Variants in DCPS observed in about 807,000 individuals in gnomAD.
The protein encoded by DCPS is m7GpppX diphosphatase.
DCPS carries 27 observed loss-of-function variants against 34.7 expected under a neutral mutation model. The ratio of observed to expected loss-of-function variants is 0.78; its 90% confidence interval spans 0.57 to 1.07. DCPS has a LOEUF of 1.07. Ranked by LOEUF, DCPS falls within the 50% of genes least tolerant of loss-of-function variation. DCPS has a pLI of 0.00. For missense variants in DCPS, 464 were observed against 436.9 expected (o/e 1.06, Z -0.55); for synonymous variants, 185 against 185.7 (o/e 1.00, Z 0.03).
chr11:126,308,636 C>A (rs1217434028), intron 2 of DCPS, among the ~76,000 whole-genome samples: 4 of 152,208 alleles, frequency 2.6e-5, no homozygotes, highest in Non-Finnish European at 5.9e-5. Context: ...CGTGGCCAAA[C>A]ACAACTTGGG....
chr11:126,346,772 A>C lies in DCPS; in HGVS notation c.*1159A>C, dbSNP rs1260992509. ...TCCATCCCCTGCCTGAGAACCAGGA[A>C]GCCTCATTCAGAGATTAGCCCCTTT... On this transcript the variant is annotated 3_prime_UTR_variant, in exon 6 of 6. Transcript: ENST00000263579. This position sits in a 1 kb window ranked among gnomAD's most constrained non-coding sequence, Gnocchi z 4.1. Among the ~76,000 whole-genome samples the C allele has an allele frequency of 6.6e-6, 1 of 152,192 alleles. No homozygotes were observed. The highest frequency in any genetic ancestry group is 1.9e-4 in the East Asian group (1 of 5,182).
Position 126,338,313 on chromosome 11 carries a change from G to A in DCPS, c.550G>A (p.Ala184Thr), listed in dbSNP as rs147353126. Residue 184 changes from alanine to threonine, a missense_variant, in exon 4 of 6, where the codon GCT becomes ACT. Coordinates refer to ENST00000263579, the MANE Select transcript of DCPS (RefSeq NM_014026.6). This position sits in a 1 kb window ranked among gnomAD's most constrained non-coding sequence, Gnocchi z 5.4. ...QWVYNILDKK[A>T]EADRIVFENP... The stretch of plus-strand genomic sequence containing the variant: ...GGTGTATAACATTCTCGACAAGAAG[G>A]CTGAAGCGGACCGGATTGTTTTCGA... The A allele has an allele frequency of 3.5e-4, 563 of 1,614,064 alleles. No homozygotes were observed. Among genetic ancestry groups the A allele is most frequent in the Non-Finnish European group, 4.5e-4 (536 of 1,180,036 alleles).
rs1431528391 is a variant in DCPS, at chr11:126,346,385, T to C, written c.*772T>C. The stretch of plus-strand genomic sequence containing the variant: ...GCAAGGGCAAATGATATGGTTGCAG[T>C]TGAATACAAAAGCCCGGAGGCGGCT... On this transcript the variant is annotated 3_prime_UTR_variant, in exon 6 of 6. Coordinates refer to ENST00000263579, the MANE Select transcript of DCPS (RefSeq NM_014026.6). This position sits in a 1 kb window ranked among gnomAD's most constrained non-coding sequence, Gnocchi z 4.1. 1.3e-5 allele frequency among the ~76,000 whole-genome samples: 2 copies of C among 152,266 alleles called. No homozygotes were observed. Among genetic ancestry groups the C allele is most frequent in the South Asian group, 4.1e-4 (2 of 4,820 alleles).
In DCPS at chr11:126,345,184, G is replaced by C. The variant is rs182752869; in HGVS notation, c.748-163G>C. On this transcript the variant is annotated intron_variant, in intron 5 of 5. Transcript: ENST00000263579. The surrounding 1 kb of genome is among the most constrained non-coding windows in gnomAD (Gnocchi z 7.4). ...TGTGGATTTCCTAGACTAGAAGACA[G>C]AGGAAGCTGAAGCAGACAGCAGGTA... Among the ~76,000 whole-genome samples, 83 of 152,342 alleles carry C rather than the reference G, an allele frequency of 5.4e-4. No homozygotes were observed. Among genetic ancestry groups the C allele is most frequent in the African/African-American group, 2.0e-3 (82 of 41,572 alleles).
rs895278620 is a variant in DCPS at position 126,312,500 on chromosome 11, A to C, written c.376+5756A>C. Among the ~76,000 whole-genome samples the C allele has an allele frequency of 2.0e-5, 3 of 150,994 alleles. No individual in the cohort carries two copies. The highest frequency in any genetic ancestry group is 4.4e-5 in the Non-Finnish European group (3 of 67,762). The stretch of plus-strand genomic sequence containing the variant: ...ACTACAGGCACCCGCCACCACACCC[A>C]GCTAATTTTTTTGTATTTTTAATAG... On this transcript the variant is annotated intron_variant, in intron 2 of 5. Coordinates refer to ENST00000263579, the MANE Select transcript of DCPS (RefSeq NM_014026.6). This position sits in a 1 kb window ranked among gnomAD's most constrained non-coding sequence, Gnocchi z 5.1.
intron 2 of DCPS, among the ~76,000 whole-genome samples, chr11:126,321,547 A>G (rs1281573434): frequency 6.6e-6 from 1 of 152,174 alleles, no homozygotes; most frequent in Non-Finnish European, 1.5e-5. Context: ...CCCTAATACA[A>G]AAGAACAGCC....
chr11:126,316,130 T>C (rs1951656796), intron 2 of DCPS, among the ~76,000 whole-genome samples: 1 of 152,098 alleles, frequency 6.6e-6, no homozygotes. Flanking sequence ...TATTAGCTTT[T>C]ACTTTTTCAT....
rs1230568106 is a variant in DCPS at position 126,325,101 on chromosome 11, C to T, written c.377-6304C>T. ...ACTCGGGTTGCTGAGGCACGAGAAT[C>T]GCTTGAACCCAGGAGGTGGAGGTTG... On this transcript the variant is annotated intron_variant, in intron 2 of 5. Transcript: ENST00000263579. This position sits in a 1 kb window ranked among gnomAD's most constrained non-coding sequence, Gnocchi z 4.3. Among the ~76,000 whole-genome samples, 1 of 152,040 alleles carries T rather than the reference C, an allele frequency of 6.6e-6. No homozygotes were observed. The highest frequency in any genetic ancestry group is 1.5e-5 in the Non-Finnish European group (1 of 68,014).
chr11:126,332,837 G>T lies in DCPS; in HGVS notation c.522+1287G>T, dbSNP rs2135328428. 6.6e-6 allele frequency among the ~76,000 whole-genome samples: 1 copy of T among 152,304 alleles called. No homozygotes were observed. Among genetic ancestry groups the T allele is most frequent in the East Asian group, 1.9e-4 (1 of 5,180 alleles). ...ACTTGTTCTGTTTTCCAAGTGAAAA[G>T]GAACTATATCTCCACCTTCTTAGAG... On this transcript the variant is annotated intron_variant, in intron 3 of 5. Transcript: ENST00000263579. This position sits in a 1 kb window ranked among gnomAD's most constrained non-coding sequence, Gnocchi z 5.4.
In DCPS at chr11:126,304,087, GA is replaced by G. The variant is rs1951541695; in HGVS notation, c.8del (p.Asp3AlafsTer6). On this transcript the variant is annotated frameshift_variant, in exon 1 of 6. Transcript: ENST00000263579. LOFTEE classifies it high-confidence loss of function. ...ACACCGCCTCCGCGGCAGCATGGCG[GA>G]CGCAGCTCCTCAACTAGGCAAGAGG... is the stretch of plus-strand genomic sequence containing the variant. MADAAPQLGKRKR... is the reference protein window; with the variant it reads MAXAAPQLGKRKR... 1 of 1,600,418 alleles carries G rather than the reference GA, an allele frequency of 6.2e-7. No individual in the cohort carries two copies. Among genetic ancestry groups the G allele is most frequent in the African/African-American group, 1.3e-5 (1 of 74,674 alleles).
rs1401696223 is a variant in DCPS at position 126,336,949 on chromosome 11, G to A, written c.523-1337G>A. ...TGCTTCCTGTGGGTAGAGAGTTGCA[G>A]GAGACCTCGAGGCCCAGCTGCCCTC... On this transcript the variant is annotated intron_variant, in intron 3 of 5. Transcript: ENST00000263579. The surrounding 1 kb of genome is among the most constrained non-coding windows in gnomAD (Gnocchi z 6.3). 6.6e-6 allele frequency: 1 copy of A among 152,460 alleles called. No homozygotes were observed. Among genetic ancestry groups the A allele is most frequent in the Non-Finnish European group, 1.5e-5 (1 of 68,260 alleles). The allele number at this position is 152,460 out of a possible 1,614,324, so 9.4% of individuals were successfully genotyped here. A position where few individuals can be genotyped will look rare whatever the true frequency, so the allele number is the denominator to read the frequency against.
In DCPS at chr11:126,332,412, C is replaced by T. The variant is rs760416932; in HGVS notation, c.522+862C>T. On this transcript the variant is annotated intron_variant, in intron 3 of 5. Coordinates refer to ENST00000263579, the MANE Select transcript of DCPS (RefSeq NM_014026.6). The surrounding 1 kb of genome is among the most constrained non-coding windows in gnomAD (Gnocchi z 5.4). ...TGCTTATTGATGAGTCAGTTTCTTG[C>T]CCACTCACTGACTCTGACACTGTGC... 2.4e-4 allele frequency among the ~76,000 whole-genome samples: 36 copies of T among 152,218 alleles called. 1 individual carries two copies. The highest frequency in any genetic ancestry group is 4.1e-4 in the Non-Finnish European group (28 of 68,036).
intron 2 of DCPS, among the ~76,000 whole-genome samples, chr11:126,316,965 T>G (rs1198051077): frequency 1.1e-4 from 15 of 141,662 alleles, no homozygotes; most frequent in Admixed American, 1.1e-3. Context: ...CTCTTTTTTT[T>G]TTTTTTTTTT....
Position 126,331,346 on chromosome 11 carries a change from C to T in DCPS, c.377-59C>T. On this transcript the variant is annotated intron_variant, in intron 2 of 5. Transcript: ENST00000263579. This position sits in a 1 kb window ranked among gnomAD's most constrained non-coding sequence, Gnocchi z 7.2. ...TGGGAGTTCTCTCCTCACCGTGGTGCCTGTGGCATAGAGAGTGGGCATTGC... is the reference window on the plus strand; with the variant it reads ...TGGGAGTTCTCTCCTCACCGTGGTGTCTGTGGCATAGAGAGTGGGCATTGC... 5 of 1,592,736 alleles carry T rather than the reference C, an allele frequency of 3.1e-6. No homozygotes were observed. The highest frequency in any genetic ancestry group is 4.3e-6 in the Non-Finnish European group (5 of 1,168,268).
chr11:126,314,315 A>G (rs1036084293), intron 2 of DCPS, among the ~76,000 whole-genome samples: 4 of 152,216 alleles, frequency 2.6e-5, no homozygotes, highest in African/African-American at 9.6e-5. Context: ...CATGGTGTAT[A>G]TGTACCACAT....
chr11:126,318,802 C>T (rs141743017), intron 2 of DCPS, among the ~76,000 whole-genome samples: 8 of 152,322 alleles, frequency 5.3e-5, no homozygotes, highest in Non-Finnish European at 1.0e-4. Context: ...CCATCAGCAA[C>T]GGCTGGAAAG....
In DCPS at chr11:126,348,083, C is replaced by T. The variant is rs949277595; in HGVS notation, c.*2470C>T. ...AGGAAGGTGGGTAGGAATTTGACACCGGATAAATAAATGTTTGAGGGGCAA... is the reference window on the plus strand; with the variant it reads ...AGGAAGGTGGGTAGGAATTTGACACTGGATAAATAAATGTTTGAGGGGCAA... On this transcript the variant is annotated 3_prime_UTR_variant, in exon 6 of 6. Transcript: ENST00000263579. The surrounding 1 kb of genome is among the most constrained non-coding windows in gnomAD (Gnocchi z 5.3). Among the ~76,000 whole-genome samples the T allele has an allele frequency of 3.9e-5, 6 of 152,148 alleles. No homozygotes were observed. Among genetic ancestry groups the T allele is most frequent in the Admixed American group, 6.5e-5 (1 of 15,276 alleles).
rs374269546 is a variant in DCPS at position 126,335,655 on chromosome 11, G to A, written c.523-2631G>A. ...TGTAAAATGGGGACAATGTCCAGGC[G>A]CGGTGGCTTATGCCTGTAATCCCAG... On this transcript the variant is annotated intron_variant, in intron 3 of 5. Transcript: ENST00000263579. This position sits in a 1 kb window ranked among gnomAD's most constrained non-coding sequence, Gnocchi z 4.8. 6.6e-6 allele frequency among the ~76,000 whole-genome samples: 1 copy of A among 152,316 alleles called. No homozygotes were observed. The highest frequency in any genetic ancestry group is 1.9e-4 in the East Asian group (1 of 5,180).
rs888112098 is a variant in DCPS, at chr11:126,322,693, A to T, written c.377-8712A>T. On this transcript the variant is annotated intron_variant, in intron 2 of 5. Transcript: ENST00000263579. The surrounding 1 kb of genome is among the most constrained non-coding windows in gnomAD (Gnocchi z 4.2). The stretch of plus-strand genomic sequence containing the variant: ...CTGCAACCTCCGCCTCCGAGGTTCA[A>T]GTGATTCTCCTGCCTCAGCTTCCTG... Among the ~76,000 whole-genome samples the T allele has an allele frequency of 6.6e-6, 1 of 151,982 alleles. No individual in the cohort carries two copies.
Sources: allele counts gnomAD v4.1 joint callset (sites outside exome capture counted in the v4.1 genomes callset), GRCh38; gene constraint gnomAD v4.1.1; non-coding constraint Gnocchi (gnomAD v3.1); transcripts MANE v1.5; gene names NCBI Gene and HGNC (gene_info 2026-07-23, HGNC 2026-07-21).